ATRNL1: variants seen among roughly 807,000 people sequenced by gnomAD.
ATRNL1 encodes attractin-like protein 1.
ATRNL1 carries 95 observed loss-of-function variants against 182.7 expected under a neutral mutation model. That is an observed-to-expected ratio of 0.52 (90% CI 0.44 to 0.62). The LOEUF (loss-of-function observed/expected upper bound fraction) is 0.62. Among genes scored for constraint, ATRNL1 ranks in the 20% least tolerant of loss-of-function variants. ATRNL1 has a pLI of 0.00. For synonymous variants in ATRNL1, 576 were observed against 568.3 expected (o/e 1.01, Z -0.19); for missense variants, 1,471 against 1,679.5 (o/e 0.88, Z 2.17).
chr10:115,542,385 C>T (rs1852409159), intron 25 of ATRNL1, among the ~76,000 whole-genome samples: 1 of 152,044 alleles, frequency 6.6e-6, no homozygotes, highest in Admixed American at 6.6e-5. Flanking sequence ...TAACTCCCTC[C>T]ACGTGGCTGT....
At chr10:115,115,733 A>G (rs1320360186) in intron 1 of ATRNL1, among the ~76,000 whole-genome samples, 1 of 152,100 alleles carries the variant, frequency 6.6e-6, no homozygotes, top group African/African-American at 2.4e-5. Flanking sequence ...TGTGATAAAC[A>G]GGATTTATTG....
chr10:115,500,432 A>C (rs942078486), intron 24 of ATRNL1, among the ~76,000 whole-genome samples: 1 of 151,278 alleles, frequency 6.6e-6, no homozygotes, highest in Non-Finnish European at 1.5e-5. Context: ...CAGGTGTCCT[A>C]TAGTTTTTGA....
At chr10:115,095,827 A>T (rs781999575) in intron 1 of ATRNL1, among the ~76,000 whole-genome samples, 1 of 151,826 alleles carries the variant, frequency 6.6e-6, no homozygotes. Flanking sequence ...CATTTTTTAC[A>T]TTTTTTTTAC....
At chr10:115,794,826 C>T (rs1593226122) in intron 27 of ATRNL1, among the ~76,000 whole-genome samples, 1 of 152,076 alleles carries the variant, frequency 6.6e-6, no homozygotes, top group Admixed American at 6.5e-5. Flanking sequence ...TTATGGGAAA[C>T]ACTATTAAAC....
At chr10:115,466,776 T>C (rs1848071930) in intron 22 of ATRNL1, among the ~76,000 whole-genome samples, 2 of 151,318 alleles carry the variant, frequency 1.3e-5, no homozygotes, top group Middle Eastern at 3.4e-3. Context: ...AAAAATAATC[T>C]TATATTGTTA....
At chr10:115,565,865 TA>T (rs1401727548) in intron 26 of ATRNL1, among the ~76,000 whole-genome samples, 1 of 152,166 alleles carries the variant, frequency 6.6e-6, no homozygotes, top group Non-Finnish European at 1.5e-5. Context: ...GTTATTGCCA[TA>T]AAATAACATT....
chr10:115,522,630 A>T (rs1565128193), intron 25 of ATRNL1, among the ~76,000 whole-genome samples: 1 of 152,164 alleles, frequency 6.6e-6, no homozygotes, highest in Admixed American at 6.5e-5. Flanking sequence ...TAATCATTTA[A>T]TCCCAATACT....
chr10:115,440,612 A>G (rs1381721772), intron 21 of ATRNL1, among the ~76,000 whole-genome samples: 4 of 151,818 alleles, frequency 2.6e-5, no homozygotes, highest in African/African-American at 7.2e-5. Context: ...ACCCTTAACC[A>G]TGTGAGGTTT....
rs148481532 is a variant in ATRNL1, at chr10:115,898,728, C to T, written c.4019-45930C>T. On this transcript the variant is annotated intron_variant, in intron 28 of 28. Transcript: ENST00000355044. ...AATGAGATGGCACATGAAGCAGAAC[C>T]GTAATGAATGACGAACCCCTGATAT... 4.5e-3 allele frequency among the ~76,000 whole-genome samples: 688 copies of T among 152,206 alleles called. 8 individuals are homozygous for T. The highest frequency in any genetic ancestry group is 0.016 in the African/African-American group (660 of 41,534).
At chr10:115,389,540 G>GTGTATGTATATA (rs1279140127) in intron 19 of ATRNL1, among the ~76,000 whole-genome samples, 2 of 44,490 alleles carry the variant, frequency 4.5e-5, no homozygotes, top group African/African-American at 1.5e-4. Flanking sequence ...ATGTGTATGT[G>GTGTATGTATATA]TATATATATA....
intron 26 of ATRNL1, among the ~76,000 whole-genome samples, chr10:115,603,062 G>C (rs554594449): frequency 1.3e-5 from 2 of 152,256 alleles, no homozygotes; most frequent in African/African-American, 4.8e-5. Flanking sequence ...TCCATGTAGT[G>C]GGGGTATGCC....
At position 115,302,006 on chromosome 10, in the gene ATRNL1, T is replaced by C; in HGVS notation, c.2781T>C (p.Tyr927=). The change falls in exon 17 of 29, where the codon TAT becomes TAC. Residue 927 remains tyrosine (Y), a synonymous_variant. Coordinates refer to ENST00000355044, the MANE Select transcript of ATRNL1 (RefSeq NM_207303.4). ...ATGCCTATATCATCTCTTTTCCATA[T>C]GGACAATGTCTAGAGTGGCAAACTG... is the stretch of plus-strand genomic sequence containing the variant. ...DSNAYIISFP[Y]GQCLEWQTAT... 6.2e-7 allele frequency: 1 copy of C among 1,613,938 alleles called. No homozygotes were observed. The highest frequency in any genetic ancestry group is 8.5e-7 in the Non-Finnish European group (1 of 1,179,898).
At position 115,286,988 on chromosome 10, in the gene ATRNL1, A is replaced by G. The variant is rs149945826; in HGVS notation, c.2415+591A>G. Among the ~76,000 whole-genome samples, 14 of 152,052 alleles carry G rather than the reference A, an allele frequency of 9.2e-5. No homozygotes were observed. The East Asian group carries it at 2.5e-3, about 27-fold the overall frequency. On this transcript the variant is annotated intron_variant, in intron 15 of 28. Coordinates refer to ENST00000355044, the MANE Select transcript of ATRNL1 (RefSeq NM_207303.4). ...TACTTGGAATACTATGCCATTTTAT[A>G]TTACATAAGGGGTATGATATTTATG...
At chr10:115,370,047 C>T (rs1476633635) in intron 19 of ATRNL1, among the ~76,000 whole-genome samples, 1 of 152,090 alleles carries the variant, frequency 6.6e-6, no homozygotes, top group African/African-American at 2.4e-5. Flanking sequence ...AATAAGTCTC[C>T]CAAGATCTGA....
intron 24 of ATRNL1, among the ~76,000 whole-genome samples, chr10:115,512,997 C>T (rs1554983019): frequency 6.6e-6 from 1 of 152,006 alleles, no homozygotes; most frequent in Non-Finnish European, 1.5e-5. Context: ...TGCAGTGCAA[C>T]ACAAATTTGT....
At chr10:115,202,921 G>T (rs1057364054) in intron 8 of ATRNL1, among the ~76,000 whole-genome samples, 2 of 150,342 alleles carry the variant, frequency 1.3e-5, no homozygotes, top group Non-Finnish European at 3.0e-5. Context: ...CCTGTTATTG[G>T]TCTATTCAGA....
chr10:115,226,528 C>T (rs1849703965), intron 9 of ATRNL1, among the ~76,000 whole-genome samples: 1 of 151,550 alleles, frequency 6.6e-6, no homozygotes, highest in Non-Finnish European at 1.5e-5. Context: ...AGTGCTATTC[C>T]TATCAGACTA....
chr10:115,694,339 T>C (rs550276153), intron 26 of ATRNL1, among the ~76,000 whole-genome samples: 1 of 152,216 alleles, frequency 6.6e-6, no homozygotes, highest in African/African-American at 2.4e-5. Flanking sequence ...ATGTTTAATA[T>C]ATAAAAGCAT....
chr10:115,393,193 T>G (rs1253662457), intron 19 of ATRNL1, among the ~76,000 whole-genome samples: 4 of 152,174 alleles, frequency 2.6e-5, no homozygotes, highest in African/African-American at 9.6e-5. Context: ...TTTGCCCCTT[T>G]TATTGACTCT....
Sources: allele counts gnomAD v4.1 joint callset (sites outside exome capture counted in the v4.1 genomes callset), GRCh38; gene constraint gnomAD v4.1.1; transcripts MANE v1.5; gene names NCBI Gene and HGNC (gene_info 2026-07-23, HGNC 2026-07-21).